Variants in COQ8B observed in about 807,000 individuals in gnomAD.
COQ8B encodes coenzyme Q8B, also known as atypical kinase COQ8B, mitochondrial.
Under a neutral mutation model 62.0 loss-of-function variants are expected in COQ8B, and 44 were observed. That is an observed-to-expected ratio of 0.71 (90% CI 0.56 to 0.91). The LOEUF is 0.91. Ranked by LOEUF, COQ8B falls within the 40% of genes least tolerant of loss-of-function variation. The probability of loss-of-function intolerance (pLI) is 0.00; values close to 1 mark genes in which losing one functional copy is unlikely to be tolerated. For synonymous variants in COQ8B, 252 were observed against 289.9 expected (o/e 0.87, Z 1.33); for missense variants, 649 against 731.6 (o/e 0.89, Z 1.30).
intron 5 of COQ8B, among the ~76,000 whole-genome samples, chr19:40,707,151 C>G (rs1288535348): frequency 6.6e-6 from 1 of 151,960 alleles, no homozygotes; most frequent in Non-Finnish European, 1.5e-5. Context: ...TGCCTATAGT[C>G]CCAGCTACTC....
At position 40,703,921 on chromosome 19, in the gene COQ8B, G is replaced by A. The variant is rs1483805429; in HGVS notation, c.577-66C>T. On this transcript the variant is annotated intron_variant, in intron 7 of 14. Coordinates refer to ENST00000324464, the MANE Select transcript of COQ8B (RefSeq NM_024876.4). ...TCATTCCCCAGGCTGAGTGCTTTAC[G>A]TGTTGATAACCCCAGCACTCACCAC... The A allele has an allele frequency of 5.9e-6, 9 of 1,532,894 alleles. No homozygotes were observed. In the Admixed American group the frequency reaches 7.4e-5, roughly 13 times the overall value. The allele number at this position is 1,532,894 out of a possible 1,614,324, so 95.0% of individuals were successfully genotyped here.
chr19:40,700,575 C>T, intron 10 of COQ8B, 124 bp from the exon 11 acceptor site: 1 of 1,212,128 alleles, frequency 8.2e-7, no homozygotes, highest in Non-Finnish European at 1.1e-6. Flanking sequence ...TCCCTCCTGC[C>T]CATCTCTTGC....
intron 5 of COQ8B, among the ~76,000 whole-genome samples, chr19:40,707,518 T>G (rs1300922067): frequency 6.6e-6 from 1 of 151,998 alleles, no homozygotes; most frequent in Non-Finnish European, 1.5e-5. Context: ...TGGCATGATC[T>G]TGGTTCACTG....
In COQ8B at chr19:40,692,060, C is replaced by G; in HGVS notation, c.1610G>C (p.Gly537Ala). 6.2e-7 allele frequency: 1 copy of G among 1,606,524 alleles called. No homozygotes were observed. The highest frequency in any genetic ancestry group is 8.5e-7 in the Non-Finnish European group (1 of 1,176,792). The change falls in exon 15 of 15, where the codon GGG becomes GCG. Residue 537 changes from glycine (G) to alanine (A), a missense_variant. Transcript: ENST00000324464. The stretch of plus-strand genomic sequence containing the variant: ...TCATGAGGGATCCACCCAGGAGTCC[C>G]CTTTGGTGGGGAGGCTGCCGGCAGT... ...AATAGSLPTK[G>A]DSWVDPS
In COQ8B at chr19:40,710,128, C is replaced by T. The variant is rs745669537; in HGVS notation, c.298G>A (p.Val100Met). The T allele has an allele frequency of 8.7e-6, 14 of 1,614,112 alleles. No individual in the cohort carries two copies. The highest frequency in any genetic ancestry group is 1.1e-5 in the Non-Finnish European group (13 of 1,179,954). Residue 100 changes from valine (V) to methionine (M), a missense_variant, in exon 5 of 15, where the codon GTG (valine) becomes ATG (methionine). Val to Met is a conservative substitution (Grantham distance 21, BLOSUM62 1). Transcript: ENST00000324464. ...GCCAGTACTCCTAGCCCCAAGCCCA[C>T]AGCCAGTCCTGGAGTGCAAGAGAAG... ...SRLANFGGLA[V>M]GLGLGVLAEM...
intron 12 of COQ8B, among the ~76,000 whole-genome samples, chr19:40,696,349 T>C (rs1250371587): frequency 6.6e-6 from 1 of 152,150 alleles, no homozygotes; most frequent in African/African-American, 2.4e-5. Flanking sequence ...TCACAAATCC[T>C]GCCACCCAGC....
At chr19:40,700,288 A>C in intron 11 of COQ8B, 22 bp downstream of exon 11, 1 of 1,611,260 alleles carries the variant, frequency 6.2e-7, no homozygotes, top group African/African-American at 1.3e-5. Flanking sequence ...TGCCCTTCCC[A>C]CTGTGCCACC....
At chr19:40,706,193 G>T (rs1026182087) in intron 5 of COQ8B, among the ~76,000 whole-genome samples, 3 of 152,200 alleles carry the variant, frequency 2.0e-5, no homozygotes, top group Admixed American at 6.5e-5. Context: ...CACCCTTGGT[G>T]AGGGGAGTGA....
chr19:40,697,875 G>GAGAGAGAGAGAGAGAGAGACAGTGAC (rs58313890), intron 12 of COQ8B, among the ~76,000 whole-genome samples: 1 of 103,472 alleles, frequency 9.7e-6, no homozygotes, highest in Non-Finnish European at 1.9e-5. Flanking sequence ...GAGAGAGAGA[G>GAGAGAGAGAGAGAGAGAGACAGTGAC]AGTTTCTACT....
Position 40,705,180 on chromosome 19 carries a change from G to T in COQ8B, c.492C>A (p.Asp164Glu), listed in dbSNP as rs773038734. 1 of 1,613,208 alleles carries T rather than the reference G, an allele frequency of 6.2e-7. No homozygotes were observed. Among genetic ancestry groups the T allele is most frequent in the African/African-American group, 1.3e-5 (1 of 74,942 alleles). ...GCAGCTGAGGGCTGATGAAGCTGTT[G>T]TCTTGGGAGACAGTGGAACCAGGGG... ...LKVGQMLSIQ[D>E]NSFISPQLQH... is the part of the protein sequence containing the mutation. Residue 164 changes from aspartate to glutamate, a missense_variant and splice_region_variant, in exon 7 of 15, where the codon GAC (aspartate) becomes GAA (glutamate). By Grantham distance (45) the Asp-to-Glu change is conservative. Transcript: ENST00000324464.
chr19:40,708,523 G>A (rs1036298234), intron 5 of COQ8B, among the ~76,000 whole-genome samples: 5 of 151,962 alleles, frequency 3.3e-5, no homozygotes, highest in Non-Finnish European at 7.4e-5. Context: ...TCAAAGAGGT[G>A]CAGCACCTAT....
chr19:40,695,444 C>T (rs1240124575), intron 13 of COQ8B, among the ~76,000 whole-genome samples: 1 of 152,106 alleles, frequency 6.6e-6, no homozygotes, highest in Admixed American at 6.5e-5. Flanking sequence ...TCTCTGCAGC[C>T]TCTAAGACAA....
At chr19:40,712,010 TA>T (rs2082145534) in intron 4 of COQ8B, among the ~76,000 whole-genome samples, 1 of 151,982 alleles carries the variant, frequency 6.6e-6, no homozygotes, top group African/African-American at 2.4e-5. Flanking sequence ...TGAATCTATC[TA>T]TGTATATATA....
chr19:40,715,296 A>G (rs2082177536), intron 1 of COQ8B: 2 of 985,832 alleles, frequency 2.0e-6, no homozygotes, highest in African/African-American at 3.5e-5. Flanking sequence ...GCGGGAGCGC[A>G]AGCGTGCCCT....
chr19:40,700,781 CT>C, intron 10 of COQ8B: 1 of 285,450 alleles, frequency 3.5e-6, no homozygotes, highest in Non-Finnish European at 6.7e-6. Context: ...CTTTGCATTA[CT>C]TTTTCATTAA....
At chr19:40,707,756 CACTT>C (rs989927852) in intron 5 of COQ8B, among the ~76,000 whole-genome samples, 3 of 152,198 alleles carry the variant, frequency 2.0e-5, no homozygotes, top group Admixed American at 2.0e-4. Context: ...CAACCGGCCT[CACTT>C]AGTGTTTTCA....
At chr19:40,695,346 A>AAAAAGAAAAGAAAAG (rs1254081867) in intron 13 of COQ8B, among the ~76,000 whole-genome samples, 7 of 151,986 alleles carry the variant, frequency 4.6e-5, no homozygotes, top group Non-Finnish European at 8.8e-5. Flanking sequence ...GAAAAGAAAA[A>AAAAAGAAAAGAAAAG]AAAGGAAAAG....
intron 12 of COQ8B, among the ~76,000 whole-genome samples, chr19:40,698,160 G>A (rs1204176077): frequency 1.3e-5 from 2 of 149,078 alleles, no homozygotes; most frequent in Non-Finnish European, 3.0e-5. Flanking sequence ...AGGGTGCAGT[G>A]AGCCGAGATC....
At chr19:40,714,436 GGATCA>G (rs1486590359) in intron 2 of COQ8B, 39 bp from the exon 3 acceptor site, 5 of 1,612,464 alleles carry the variant, frequency 3.1e-6, no homozygotes, top group Non-Finnish European at 4.2e-6. Context: ...GGAGGACATG[GGATCA>G]CCTGGCCCTT....
Sources: gnomAD v4.1 joint callset for allele counts (sites outside exome capture counted in the v4.1 genomes callset) on GRCh38, gnomAD v4.1.1 for gene constraint, MANE v1.5 for transcripts, NCBI Gene and HGNC (gene_info 2026-07-23, HGNC 2026-07-21) for gene names.